The following HS3ST4 variants were observed in gnomAD, a reference collection of about 807,000 sequenced individuals.
HS3ST4 encodes heparan sulfate glucosamine 3-O-sulfotransferase 4.
In HS3ST4, 17 loss-of-function variants were observed where a neutral mutation model predicts 29.2. The ratio of observed to expected loss-of-function variants is 0.58; its 90% CI spans 0.40 to 0.87. The LOEUF (loss-of-function observed/expected upper bound fraction) is 0.87. Among genes scored for constraint, HS3ST4 ranks in the 40% least tolerant of loss-of-function variants. HS3ST4 has a pLI of 0.00. For synonymous variants in HS3ST4, 314 were observed against 285.7 expected, an observed-to-expected ratio of 1.10 and a Z score of -1.00; for missense variants, 627 against 634.5, an observed-to-expected ratio of 0.99 and a Z score of 0.13.
chr16:26,010,073 TC>T (rs1969296732), intron 1 of HS3ST4, among the ~76,000 whole-genome samples: 1 of 152,196 alleles, frequency 6.6e-6, no homozygotes, highest in South Asian at 2.1e-4. Flanking sequence ...GCAATAAGGA[TC>T]CAAGATGAGT....
At chr16:25,958,743 G>T (rs1968762072) in intron 1 of HS3ST4, among the ~76,000 whole-genome samples, 1 of 152,208 alleles carries the variant, frequency 6.6e-6, no homozygotes, top group African/African-American at 2.4e-5. Context: ...CTGGCTTTCA[G>T]CTGGGAGCTC....
At chr16:25,713,039 A>G (rs951086810) in intron 1 of HS3ST4, among the ~76,000 whole-genome samples, 1 of 150,090 alleles carries the variant, frequency 6.7e-6, no homozygotes, top group South Asian at 2.1e-4. Context: ...CCTCATTTAA[A>G]TGTTTTTTTT....
At chr16:25,841,997 G>A (rs950561862) in intron 1 of HS3ST4, among the ~76,000 whole-genome samples, 1 of 152,176 alleles carries the variant, frequency 6.6e-6, no homozygotes, top group African/African-American at 2.4e-5. Context: ...GCACCATCTG[G>A]CACTTTGGGG....
Position 25,692,779 on chromosome 16 carries a change from C to G in HS3ST4, c.362C>G (p.Pro121Arg), listed in dbSNP as rs1398805012. The change falls in exon 1 of 2, where the codon CCC becomes CGC. Residue 121 changes from proline (P) to arginine (R), a missense_variant. By Grantham distance (103) the Pro-to-Arg change is moderately radical (BLOSUM62 -2). Transcript: ENST00000331351. Reference protein sequence around the residue: ...PPEPPEQPAAPGTDGWGLPSG... With the variant: ...PPEPPEQPAARGTDGWGLPSG... ...GAGCCCCCAGAGCAGCCAGCCGCCC[C>G]CGGGACCGACGGCTGGGGGCTGCCG... The G allele has an allele frequency of 7.3e-7, 1 of 1,364,004 alleles. No homozygotes were observed. The highest frequency in any genetic ancestry group is 1.5e-5 in the African/African-American group (1 of 64,986). The allele number at this position is 1,364,004 out of a possible 1,614,324, so 84.5% of individuals were successfully genotyped here. A position where few individuals can be genotyped will look rare whatever the true frequency, so the allele number is the denominator to read the frequency against.
intron 1 of HS3ST4, among the ~76,000 whole-genome samples, chr16:25,903,302 G>GTATGTA (rs1968138502): frequency 9.7e-6 from 1 of 103,500 alleles, no homozygotes; most frequent in South Asian, 3.2e-4. Flanking sequence ...GTGTGTGTGT[G>GTATGTA]TATGTATATG....
At chr16:25,705,662 CA>C (rs910620308) in intron 1 of HS3ST4, among the ~76,000 whole-genome samples, 8 of 147,256 alleles carry the variant, frequency 5.4e-5, no homozygotes, top group South Asian at 2.2e-4. Flanking sequence ...GTTTCCATCC[CA>C]AAAAAAAATA....
intron 1 of HS3ST4, among the ~76,000 whole-genome samples, chr16:26,103,806 A>C (rs957561860): frequency 1.8e-4 from 27 of 152,276 alleles, no homozygotes; most frequent in African/African-American, 6.5e-4. Context: ...CTGAAAACCA[A>C]ATTTAAAGAA....
At chr16:26,075,815 C>T (rs1013443832) in intron 1 of HS3ST4, among the ~76,000 whole-genome samples, 1 of 152,172 alleles carries the variant, frequency 6.6e-6, no homozygotes, top group East Asian at 1.9e-4. Flanking sequence ...AGAAAGAATA[C>T]ATTATCTGCT....
chr16:26,102,352 G>A (rs1899000065), intron 1 of HS3ST4, among the ~76,000 whole-genome samples: 1 of 151,992 alleles, frequency 6.6e-6, no homozygotes, highest in African/African-American at 2.4e-5. Context: ...CTGGGACACT[G>A]GTCATTAGTC....
intron 1 of HS3ST4, among the ~76,000 whole-genome samples, chr16:25,944,643 G>A (rs894695425): frequency 6.6e-6 from 1 of 152,210 alleles, no homozygotes; most frequent in Non-Finnish European, 1.5e-5. Context: ...TTCACCCCAT[G>A]AGCTACCTAA....
At chr16:26,082,688 C>T (rs1898738122) in intron 1 of HS3ST4, among the ~76,000 whole-genome samples, 8 of 152,036 alleles carry the variant, frequency 5.3e-5, no homozygotes, top group Admixed American at 5.2e-4. Flanking sequence ...GAGCTGATAC[C>T]TGATTTTCCA....
chr16:25,930,129 G>A (rs759357596), intron 1 of HS3ST4, among the ~76,000 whole-genome samples: 49 of 152,198 alleles, frequency 3.2e-4, no homozygotes, highest in Non-Finnish European at 4.1e-4. Flanking sequence ...TGCAAAGGAC[G>A]TAGTCTTGTT....
At chr16:25,727,749 G>A (rs1290232558) in intron 1 of HS3ST4, among the ~76,000 whole-genome samples, 1 of 152,120 alleles carries the variant, frequency 6.6e-6, no homozygotes, top group African/African-American at 2.4e-5. Flanking sequence ...GCTGAATTAT[G>A]CCATTCGGTA....
intron 1 of HS3ST4, among the ~76,000 whole-genome samples, chr16:25,733,820 C>A (rs1966588188): frequency 6.6e-6 from 1 of 152,130 alleles, no homozygotes; most frequent in South Asian, 2.1e-4. Flanking sequence ...ATTCTTTCAG[C>A]TCAAAGACAC....
chr16:26,114,798 A>T (rs1361276790), intron 1 of HS3ST4, among the ~76,000 whole-genome samples: 4 of 152,202 alleles, frequency 2.6e-5, no homozygotes. Context: ...GTATAACAGC[A>T]TGGAGGGCAA....
chr16:25,903,392 TATC>T (rs1484839256), intron 1 of HS3ST4, among the ~76,000 whole-genome samples: 1 of 89,886 alleles, frequency 1.1e-5, no homozygotes, highest in Non-Finnish European at 2.5e-5. Flanking sequence ...TAAAATCACA[TATC>T]ACACACACAC....
At chr16:25,769,673 C>T (rs1966839525) in intron 1 of HS3ST4, among the ~76,000 whole-genome samples, 1 of 152,168 alleles carries the variant, frequency 6.6e-6, no homozygotes, top group South Asian at 2.1e-4. Flanking sequence ...TTAATAAGCA[C>T]ATATTTAGCT....
At chr16:26,103,022 C>T (rs1373885137) in intron 1 of HS3ST4, among the ~76,000 whole-genome samples, 1 of 152,078 alleles carries the variant, frequency 6.6e-6, no homozygotes, top group Non-Finnish European at 1.5e-5. Flanking sequence ...TGGGGGCTAG[C>T]CTAGGAATGA....
chr16:25,712,463 G>T (rs1241583686), intron 1 of HS3ST4, among the ~76,000 whole-genome samples: 3 of 152,124 alleles, frequency 2.0e-5, no homozygotes, highest in Non-Finnish European at 4.4e-5. Context: ...GGTGGCTGCA[G>T]TGAGCTGTGA....
Sources: allele counts gnomAD v4.1 joint callset (sites outside exome capture counted in the v4.1 genomes callset), GRCh38; gene constraint gnomAD v4.1.1; transcripts MANE v1.5; gene names NCBI Gene and HGNC (gene_info 2026-07-23, HGNC 2026-07-21).